Variants in ADGRB3 observed in about 807,000 individuals in gnomAD.
ADGRB3 encodes the protein brain-specific angiogenesis inhibitor 3.
ADGRB3 carries 37 observed loss-of-function variants against 193.4 expected under a neutral mutation model. The observed-to-expected ratio is 0.19, with a 90% CI of 0.15 to 0.25. The LOEUF (loss-of-function observed/expected upper bound fraction) is 0.25. ADGRB3 is among the 10% of genes least tolerant of loss of function. ADGRB3 has a pLI of 1.00. For synonymous variants in ADGRB3, 690 were observed against 644.2 expected, an observed-to-expected ratio of 1.07 and a Z score of -1.08; for missense variants, 1,637 against 1,852.9, an observed-to-expected ratio of 0.88 and a Z score of 2.14.
chr6:69,267,014 GATT>G (rs1397020833), intron 20 of ADGRB3, among the ~76,000 whole-genome samples: 1 of 152,064 alleles, frequency 6.6e-6, no homozygotes, highest in Non-Finnish European at 1.5e-5. Flanking sequence ...GCAAGATTAT[GATT>G]TTCAGAGTCT....
chr6:69,267,351 C>A (rs183054813), intron 20 of ADGRB3, among the ~76,000 whole-genome samples: 5 of 152,156 alleles, frequency 3.3e-5, no homozygotes, highest in Admixed American at 3.3e-4. Flanking sequence ...CTTTAAGCCA[C>A]ATTTGAATTA....
intron 3 of ADGRB3, among the ~76,000 whole-genome samples, chr6:68,683,087 T>C (rs2127298915): frequency 6.6e-6 from 1 of 152,194 alleles, no homozygotes; most frequent in Non-Finnish European, 1.5e-5. Context: ...GCCTGGCCAA[T>C]TCAGTGTTTT....
intron 3 of ADGRB3, among the ~76,000 whole-genome samples, chr6:68,692,010 T>C (rs1395960182): frequency 3.3e-5 from 5 of 151,806 alleles, no homozygotes; most frequent in Non-Finnish European, 7.4e-5. Flanking sequence ...ATATTGAAGA[T>C]TTACAAAAGA....
intron 17 of ADGRB3, among the ~76,000 whole-genome samples, chr6:69,206,044 G>GGTATAT (rs1554169611): frequency 2.3e-5 from 1 of 43,672 alleles, no homozygotes; most frequent in Admixed American, 2.7e-4. Flanking sequence ...ATATAATAAT[G>GGTATAT]GTATATATAT....
intron 13 of ADGRB3, among the ~76,000 whole-genome samples, chr6:69,046,255 T>A (rs1291111016): frequency 6.6e-6 from 1 of 152,172 alleles, no homozygotes; most frequent in Non-Finnish European, 1.5e-5. Flanking sequence ...TTTTCAGCAG[T>A]TTTTGGAGCA....
intron 17 of ADGRB3, among the ~76,000 whole-genome samples, chr6:69,229,760 C>T (rs1766093522): frequency 6.6e-6 from 1 of 151,992 alleles, no homozygotes; most frequent in Non-Finnish European, 1.5e-5. Flanking sequence ...TTTTAAATGC[C>T]AGAAAATATA....
chr6:69,065,764 TACACACACACAC>T lies in ADGRB3; in HGVS notation c.2436+2752_2436+2763del, dbSNP rs3043304. On this transcript the variant is annotated intron_variant, in intron 16 of 31. Transcript: ENST00000370598. The stretch of plus-strand genomic sequence containing the variant: ...CAAGCCTGAACTTCATGTATATATA[TACACACACACAC>T]ACACACACACACACACACACACATA... Among the ~76,000 whole-genome samples the T allele has an allele frequency of 3.9e-5, 5 of 129,272 alleles. No homozygotes were observed. The South Asian group carries it at 7.4e-4, about 19-fold the overall frequency. The allele number at this position is 129,272 out of a possible 152,430, so 84.8% of individuals were successfully genotyped here. A position where few individuals can be genotyped will look rare whatever the true frequency, so the allele number is the denominator to read the frequency against.
At chr6:69,185,932 A>G (rs1353697658) in intron 17 of ADGRB3, among the ~76,000 whole-genome samples, 1 of 152,142 alleles carries the variant, frequency 6.6e-6, no homozygotes, top group African/African-American at 2.4e-5. Context: ...ATAAGTCAAG[A>G]TACCCCAAAT....
intron 20 of ADGRB3, among the ~76,000 whole-genome samples, chr6:69,259,950 CA>C (rs1440706677): frequency 1.3e-5 from 2 of 151,994 alleles, no homozygotes; most frequent in African/African-American, 4.8e-5. Context: ...AAAAGTTAGC[CA>C]AAAATTTTTA....
chr6:69,173,950 A>G (rs1775356251), intron 17 of ADGRB3, among the ~76,000 whole-genome samples: 1 of 152,236 alleles, frequency 6.6e-6, no homozygotes, highest in African/African-American at 2.4e-5. Flanking sequence ...ATCTTAACCA[A>G]GCTCTTCATG....
chr6:68,883,868 GT>G (rs1323744163), intron 3 of ADGRB3, among the ~76,000 whole-genome samples: 3 of 152,294 alleles, frequency 2.0e-5, no homozygotes, highest in South Asian at 2.1e-4. Flanking sequence ...AGGCAAGATA[GT>G]TACAACTATA....
At chr6:69,129,963 G>A (rs1773960049) in intron 17 of ADGRB3, among the ~76,000 whole-genome samples, 1 of 152,008 alleles carries the variant, frequency 6.6e-6, no homozygotes, top group African/African-American at 2.4e-5. Context: ...ATAGAATCTA[G>A]TTGGCTACCG....
At chr6:68,938,469 TA>T (rs1388061746) in intron 5 of ADGRB3, among the ~76,000 whole-genome samples, 1 of 136,398 alleles carries the variant, frequency 7.3e-6, no homozygotes, top group Non-Finnish European at 1.6e-5. Context: ...TATATATATA[TA>T]TGTTGTGAAA....
At chr6:69,315,635 A>C (rs561733681) in intron 20 of ADGRB3, among the ~76,000 whole-genome samples, 119 of 151,560 alleles carry the variant, frequency 7.9e-4, no homozygotes, top group Non-Finnish European at 1.1e-3. Flanking sequence ...GTCGTCACCA[A>C]AATTTCTTTC....
At chr6:68,682,586 T>C (rs1764914683) in intron 3 of ADGRB3, among the ~76,000 whole-genome samples, 1 of 152,178 alleles carries the variant, frequency 6.6e-6, no homozygotes, top group Admixed American at 6.5e-5. Context: ...ATTATAATTC[T>C]TCGTAAAATT....
chr6:68,751,712 G>C (rs765288236), intron 3 of ADGRB3, among the ~76,000 whole-genome samples: 10 of 152,040 alleles, frequency 6.6e-5, no homozygotes, highest in Non-Finnish European at 1.5e-4. Flanking sequence ...TCATCTATTT[G>C]TAGCCATCAT....
chr6:68,912,441 A>C (rs1338563427), intron 3 of ADGRB3, among the ~76,000 whole-genome samples: 2 of 151,890 alleles, frequency 1.3e-5, no homozygotes, highest in African/African-American at 4.8e-5. Flanking sequence ...ATATGTATAC[A>C]TGTGCCATGC....
At chr6:69,241,467 A>T (rs1028553038) in intron 20 of ADGRB3, among the ~76,000 whole-genome samples, 1 of 151,954 alleles carries the variant, frequency 6.6e-6, no homozygotes, top group Non-Finnish European at 1.5e-5. Context: ...TCCAATGGCT[A>T]CATGCAGCTA....
At chr6:68,805,568 C>T (rs993496003) in intron 3 of ADGRB3, among the ~76,000 whole-genome samples, 3 of 152,154 alleles carry the variant, frequency 2.0e-5, no homozygotes, top group Admixed American at 2.0e-4. Context: ...TTCTGATCCA[C>T]TTAAGGCTTT....
Sources: gnomAD v4.1 joint callset for allele counts (sites outside exome capture counted in the v4.1 genomes callset) on GRCh38, gnomAD v4.1.1 for gene constraint, MANE v1.5 for transcripts, NCBI Gene and HGNC (gene_info 2026-07-23, HGNC 2026-07-21) for gene names.